CAMK1D: variants seen among roughly 807,000 people sequenced by gnomAD.
The protein encoded by CAMK1D is calcium/calmodulin-dependent protein kinase type 1D.
Under a neutral mutation model 47.7 loss-of-function variants are expected in CAMK1D, and 9 were observed. The observed-to-expected ratio is 0.19, with a 90% CI of 0.11 to 0.33. The LOEUF (loss-of-function observed/expected upper bound fraction) is 0.33, where lower values mean the gene tolerates loss of function less well. Among genes scored for constraint, CAMK1D ranks in the 10% least tolerant of loss-of-function variants. The pLI is 1.00. For missense variants in CAMK1D, 291 were observed against 488.7 expected, an observed-to-expected ratio of 0.60 and a Z score of 3.81; for synonymous variants, 184 against 184.9, an observed-to-expected ratio of 0.99 and a Z score of 0.04.
rs565426743 is a variant in CAMK1D at position 12,350,175 on chromosome 10, TCTC to T, written c.92+268_92+270del. Among the ~76,000 whole-genome samples, 20 of 151,408 alleles carry T rather than the reference TCTC, an allele frequency of 1.3e-4. No homozygotes were observed. In the South Asian group the frequency reaches 3.1e-3, roughly 24 times the overall value. On this transcript the variant is annotated intron_variant, in intron 1 of 10. Coordinates refer to ENST00000619168, the MANE Select transcript of CAMK1D (RefSeq NM_153498.4). ...CCACGCGGGCGCGCGACTTCCCACT[TCTC>T]CTGCCACCGCCGCCCTCTCCGCTGC...
intron 1 of CAMK1D, among the ~76,000 whole-genome samples, chr10:12,351,638 C>T (rs1564288357): frequency 6.6e-6 from 1 of 152,238 alleles, no homozygotes; most frequent in South Asian, 2.1e-4. Context: ...TGCAGCTGCA[C>T]CTCTGCAGTG....
intron 5 of CAMK1D, among the ~76,000 whole-genome samples, chr10:12,781,102 A>T (rs927475922): frequency 6.6e-6 from 1 of 152,150 alleles, no homozygotes; most frequent in East Asian, 1.9e-4. Context: ...TCCTTGTGGA[A>T]TTGCTTCTTT....
chr10:12,749,462 A>AG (rs1462870265), intron 3 of CAMK1D, among the ~76,000 whole-genome samples: 15 of 150,514 alleles, frequency 1.0e-4, no homozygotes, highest in Non-Finnish European at 1.6e-4. Flanking sequence ...AAAAAAAAAA[A>AG]AAGAAATCCA....
intron 2 of CAMK1D, among the ~76,000 whole-genome samples, chr10:12,645,254 C>G (rs1057170172): frequency 1.3e-5 from 2 of 152,048 alleles, no homozygotes; most frequent in African/African-American, 4.8e-5. Context: ...CATTATTGGG[C>G]TATTATTTAA....
intron 10 of CAMK1D, 109 bp downstream of exon 10, chr10:12,825,799 C>T: frequency 6.4e-7 from 1 of 1,569,160 alleles, no homozygotes; most frequent in Non-Finnish European, 8.6e-7. Flanking sequence ...CAGGCGCTTT[C>T]TATACTTAAT....
At chr10:12,610,257 G>A (rs548635728) in intron 2 of CAMK1D, among the ~76,000 whole-genome samples, 1 of 152,290 alleles carries the variant, frequency 6.6e-6, no homozygotes, top group African/African-American at 2.4e-5. Context: ...ATGGCCAGGT[G>A]ACAAGGCAGA....
At chr10:12,773,104 A>C (rs61551292) in intron 5 of CAMK1D, among the ~76,000 whole-genome samples, 1,819 of 152,240 alleles carry the variant, frequency 0.012, 34 homozygotes, top group African/African-American at 0.042. Context: ...ATCACATTGC[A>C]TTAGGGTTCG....
At chr10:12,657,060 G>T (rs1167701457) in intron 2 of CAMK1D, among the ~76,000 whole-genome samples, 1 of 152,060 alleles carries the variant, frequency 6.6e-6, no homozygotes, top group African/African-American at 2.4e-5. Flanking sequence ...ATTTCTTTTT[G>T]TGTGCACTTT....
chr10:12,600,960 T>C lies in CAMK1D; in HGVS notation c.224+47604T>C, dbSNP rs536223960. On this transcript the variant is annotated intron_variant, in intron 2 of 10. Coordinates refer to ENST00000619168, the MANE Select transcript of CAMK1D (RefSeq NM_153498.4). ...CCCATGTTGCTGCAAACGACATGAC[T>C]TCATTCTTTTTTATGGCTGAATAGT... is the stretch of plus-strand genomic sequence containing the variant. 2.0e-5 allele frequency among the ~76,000 whole-genome samples: 3 copies of C among 152,340 alleles called. No individual in the cohort carries two copies. In the East Asian group the frequency reaches 5.8e-4, roughly 29 times the overall value.
intron 1 of CAMK1D, among the ~76,000 whole-genome samples, chr10:12,500,045 C>A (rs1834653504): frequency 6.6e-6 from 1 of 152,154 alleles, no homozygotes. Flanking sequence ...GTGGGCAGAT[C>A]ACTTGAGGTC....
At chr10:12,551,536 C>G (rs987995443) in intron 1 of CAMK1D, among the ~76,000 whole-genome samples, 10 of 152,160 alleles carry the variant, frequency 6.6e-5, no homozygotes, top group Admixed American at 1.3e-4. Context: ...GAGTGAATCA[C>G]TTGAGGTCAG....
chr10:12,823,492 T>C (rs1279145243), intron 8 of CAMK1D, among the ~76,000 whole-genome samples: 3 of 151,622 alleles, frequency 2.0e-5, no homozygotes, highest in Non-Finnish European at 4.4e-5. Flanking sequence ...GAGAAGGGCA[T>C]GCATGAGGGA....
intron 2 of CAMK1D, among the ~76,000 whole-genome samples, chr10:12,572,077 A>G (rs1044038198): frequency 8.3e-5 from 11 of 133,184 alleles, no homozygotes; most frequent in Non-Finnish European, 1.2e-4. Flanking sequence ...GAATACATGA[A>G]ATCCCAAGCA....
intron 2 of CAMK1D, 40 bp downstream of exon 2, chr10:12,553,396 C>T (rs1836652202): frequency 1.3e-6 from 2 of 1,525,508 alleles, no homozygotes; most frequent in Non-Finnish European, 9.1e-7. Flanking sequence ...TCCCTACCTC[C>T]TGGCCCGTGT....
rs539786022 is a variant in CAMK1D, at chr10:12,804,909, A to T, written c.642-9286A>T. ...GCTATGATCATGCCACTGCACTCCA[A>T]CCTGGATGATAAAGCTAGACCCTGT... On this transcript the variant is annotated intron_variant, in intron 6 of 10. Transcript: ENST00000619168. 1.8e-3 allele frequency among the ~76,000 whole-genome samples: 219 copies of T among 121,630 alleles called. 2 individuals are homozygous for T. In the Middle Eastern group the frequency reaches 0.053, roughly 30 times the overall value. The allele number at this position is 121,630 out of a possible 152,430, so 79.8% of individuals were successfully genotyped here.
At chr10:12,393,850 G>A (rs901478591) in intron 1 of CAMK1D, among the ~76,000 whole-genome samples, 2 of 152,180 alleles carry the variant, frequency 1.3e-5, no homozygotes, top group South Asian at 2.1e-4. Flanking sequence ...GGCAGCTTAC[G>A]CTCCACACCT....
intron 3 of CAMK1D, among the ~76,000 whole-genome samples, chr10:12,701,705 T>C (rs1451505717): frequency 6.6e-6 from 1 of 152,254 alleles, no homozygotes; most frequent in East Asian, 1.9e-4. Flanking sequence ...TTCAGGCAGT[T>C]TGAGCATTCT....
chr10:12,573,743 C>A (rs1389768383), intron 2 of CAMK1D, among the ~76,000 whole-genome samples: 3 of 150,200 alleles, frequency 2.0e-5, no homozygotes, highest in Non-Finnish European at 4.4e-5. Context: ...AGCCTTGAAA[C>A]TTCTGAGCTC....
chr10:12,402,378 C>T (rs371110872), intron 1 of CAMK1D, among the ~76,000 whole-genome samples: 18 of 150,542 alleles, frequency 1.2e-4, no homozygotes, highest in East Asian at 9.9e-4. Flanking sequence ...GGACCACAGG[C>T]GGGCACCACC....
Sources: gnomAD v4.1 joint callset for allele counts (sites outside exome capture counted in the v4.1 genomes callset) on GRCh38, gnomAD v4.1.1 for gene constraint, MANE v1.5 for transcripts, NCBI Gene and HGNC (gene_info 2026-07-23, HGNC 2026-07-21) for gene names.